Variants in STARD10 observed in about 807,000 individuals in gnomAD.
The protein encoded by STARD10 is StAR related lipid transfer domain containing 10.
A neutral mutation model predicts 36.0 loss-of-function variants in STARD10; 24 were observed. The observed-to-expected ratio is 0.67, with a 90% CI of 0.48 to 0.94. STARD10 has a LOEUF of 0.94. Among genes scored for constraint, STARD10 ranks in the 40% least tolerant of loss-of-function variants. The pLI, the probability that STARD10 is intolerant of heterozygous loss-of-function variation, is 0.00. For synonymous variants in STARD10, 156 were observed against 161.9 expected (o/e 0.96, Z 0.28); for missense variants, 335 against 396.6 (o/e 0.84, Z 1.32).
intron 2 of STARD10, among the ~76,000 whole-genome samples, chr11:72,776,964 A>G (rs961738427): frequency 6.6e-6 from 1 of 152,148 alleles, no homozygotes; most frequent in African/African-American, 2.4e-5. Flanking sequence ...AGGAAGTCAG[A>G]GGAGACAGGT....
At chr11:72,761,761 A>G (rs988619906) in intron 2 of STARD10, among the ~76,000 whole-genome samples, 4 of 151,964 alleles carry the variant, frequency 2.6e-5, no homozygotes, top group African/African-American at 4.8e-5. Context: ...AAACAAAAAA[A>G]AAGCAGCATA....
At chr11:72,786,668 T>C (rs10898873) in intron 1 of STARD10, among the ~76,000 whole-genome samples, 50,399 of 151,958 alleles carry the variant, frequency 0.33, 8,632 homozygotes, top group Middle Eastern at 0.4. Flanking sequence ...CACAGTCCCA[T>C]ACAGAAACAC....
chr11:72,774,948 C>T (rs928853490), intron 2 of STARD10, among the ~76,000 whole-genome samples: 49 of 152,318 alleles, frequency 3.2e-4, no homozygotes, highest in African/African-American at 1.1e-3. Context: ...AGCTGGGGCT[C>T]GTTAAAGTTT....
At chr11:72,758,054 G>A in intron 4 of STARD10, 170 bp from the exon 5 acceptor site, 1 of 673,056 alleles carries the variant, frequency 1.5e-6, no homozygotes. Context: ...AAGAACCAGA[G>A]TAGGTCATCC....
intron 2 of STARD10, among the ~76,000 whole-genome samples, chr11:72,764,294 G>A (rs1042550254): frequency 6.6e-6 from 1 of 152,216 alleles, no homozygotes; most frequent in Non-Finnish European, 1.5e-5. Flanking sequence ...GGCTGTTGAG[G>A]CTCCAGAGGC....
intron 2 of STARD10, among the ~76,000 whole-genome samples, chr11:72,763,772 G>A (rs1225016569): frequency 3.3e-5 from 5 of 152,190 alleles, no homozygotes; most frequent in Middle Eastern, 3.2e-3. Context: ...TGGCATCATC[G>A]TTAGCATCCA....
At chr11:72,775,741 C>T (rs1432083270) in intron 2 of STARD10, among the ~76,000 whole-genome samples, 2 of 152,006 alleles carry the variant, frequency 1.3e-5, no homozygotes, top group Non-Finnish European at 2.9e-5. Context: ...TCTCCATCCC[C>T]CACCTCCAGC....
chr11:72,757,694 C>G, intron 5 of STARD10, 73 bp downstream of exon 5: 2 of 1,374,110 alleles, frequency 1.5e-6, no homozygotes, highest in East Asian at 4.6e-5. Context: ...CTTCTGGATC[C>G]CTAGTAGATC....
In STARD10 at chr11:72,761,917, C is replaced by CTTTTCTTTTT. The variant is rs1555023007; in HGVS notation, c.208-2537_208-2536insAAAAAGAAAA. On this transcript the variant is annotated intron_variant, in intron 2 of 6. Transcript: ENST00000334805. The stretch of plus-strand genomic sequence containing the variant: ...TCTGTATTTCTTTTTCTTTTCTTTT[C>CTTTTCTTTTT]TTTTTTTTTTTTTTTTTTTTTTTTT... 2.6e-3 allele frequency among the ~76,000 whole-genome samples: 98 copies of CTTTTCTTTTT among 37,478 alleles called. 5 individuals carry two copies. Among genetic ancestry groups the CTTTTCTTTTT allele is most frequent in the African/African-American group, 0.011 (90 of 8,186 alleles). The allele number at this position is 37,478 out of a possible 152,430, so 24.6% of individuals were successfully genotyped here. A position where few individuals can be genotyped will look rare whatever the true frequency, so the allele number is the denominator to read the frequency against.
At chr11:72,775,007 G>A (rs909202189) in intron 2 of STARD10, among the ~76,000 whole-genome samples, 2 of 152,224 alleles carry the variant, frequency 1.3e-5, no homozygotes, top group Non-Finnish European at 2.9e-5. Context: ...GAGCCAGCCT[G>A]GGGGCTGAGG....
intron 1 of STARD10, among the ~76,000 whole-genome samples, chr11:72,785,214 C>T (rs972599923): frequency 2.6e-5 from 4 of 152,056 alleles, no homozygotes; most frequent in Non-Finnish European, 5.9e-5. Flanking sequence ...TCTGGCCCCA[C>T]CCCCTCCCTG....
chr11:72,777,376 G>A (rs930785674), intron 2 of STARD10, among the ~76,000 whole-genome samples: 3 of 152,266 alleles, frequency 2.0e-5, no homozygotes, highest in African/African-American at 7.2e-5. Context: ...AGCCCAGAGA[G>A]GGGCAGGAAT....
intron 2 of STARD10, among the ~76,000 whole-genome samples, chr11:72,774,646 AG>A (rs1339042173): frequency 4.6e-5 from 7 of 152,228 alleles, no homozygotes; most frequent in Admixed American, 2.0e-4. Context: ...CTGCCCAGTC[AG>A]GGGCAAAGGT....
At chr11:72,766,240 A>ACCCTG (rs1858787245) in intron 2 of STARD10, 2 of 151,994 alleles carry the variant, frequency 1.3e-5, no homozygotes, top group African/African-American at 2.4e-5. Context: ...CCCACATCTC[A>ACCCTG]CCCTGCCCTG....
intron 2 of STARD10, among the ~76,000 whole-genome samples, chr11:72,775,648 G>T (rs1211613725): frequency 6.6e-6 from 1 of 152,074 alleles, no homozygotes; most frequent in African/African-American, 2.4e-5. Context: ...GCCCTCTCTG[G>T]ATTTCCAGAG....
In STARD10 at chr11:72,781,093, A is replaced by G; in HGVS notation, c.89T>C (p.Phe30Ser). 6.2e-7 allele frequency: 1 copy of G among 1,613,974 alleles called. No individual in the cohort carries two copies. Among genetic ancestry groups the G allele is most frequent in the Non-Finnish European group, 8.5e-7 (1 of 1,179,996 alleles). ...ESVQVPDDQD[F>S]RSFRSECEAE... is the part of the protein sequence containing the mutation. Reference sequence around the variant, plus strand: ...CTCACACTCTGACCGGAAGCTGCGAAAGTCTTGGTCATCGGGCACCTGGAC... The same window carrying G: ...CTCACACTCTGACCGGAAGCTGCGAGAGTCTTGGTCATCGGGCACCTGGAC... Residue 30 changes from phenylalanine (F) to serine (S), a missense_variant, in exon 2 of 7, where the codon TTT (phenylalanine) becomes TCT (serine). Physicochemically the swap from Phe to Ser is radical, Grantham distance 155 (BLOSUM62 -2). Coordinates refer to ENST00000334805, the MANE Select transcript of STARD10 (RefSeq NM_006645.3). The surrounding 1 kb of genome is among the most constrained non-coding windows in gnomAD (Gnocchi z 4.7).
intron 5 of STARD10, chr11:72,755,985 G>T: frequency 2.2e-6 from 1 of 456,984 alleles, no homozygotes; most frequent in Non-Finnish European, 3.9e-6. Context: ...CAAAGATTAC[G>T]TGGAAGAAAA....
rs181273890 is a variant in STARD10, at chr11:72,757,671, C to T, written c.577+96G>A. On this transcript the variant is annotated intron_variant, in intron 5 of 6. Transcript: ENST00000334805. ...AAATGCCCCAAAATGCAAAACAGCTCCTAACAGATGCCCTTCTGGATCCCT... is the reference window on the plus strand; with the variant it reads ...AAATGCCCCAAAATGCAAAACAGCTTCTAACAGATGCCCTTCTGGATCCCT... 3.4e-5 allele frequency: 38 copies of T among 1,132,608 alleles called. No homozygotes were observed. The African/African-American group carries it at 5.1e-4, about 15-fold the overall frequency. The allele number at this position is 1,132,608 out of a possible 1,614,324, so 70.2% of individuals were successfully genotyped here. A position where few individuals can be genotyped will look rare whatever the true frequency, so the allele number is the denominator to read the frequency against.
intron 5 of STARD10, chr11:72,755,954 C>T (rs1231685554): frequency 4.4e-5 from 23 of 516,934 alleles, no homozygotes; most frequent in Admixed American, 7.2e-5. Flanking sequence ...CTCTGTCCCC[C>T]ACTTTCCCTC....
Sources: allele counts gnomAD v4.1 joint callset (sites outside exome capture counted in the v4.1 genomes callset), GRCh38; gene constraint gnomAD v4.1.1; non-coding constraint Gnocchi (gnomAD v3.1); transcripts MANE v1.5; gene names NCBI Gene and HGNC (gene_info 2026-07-23, HGNC 2026-07-21).